RALGDS: variants seen among roughly 807,000 people sequenced by gnomAD.
RALGDS encodes the protein ral guanine nucleotide exchange factor.
RALGDS carries 44 observed loss-of-function variants against 99.8 expected under a neutral mutation model. That is an observed-to-expected ratio of 0.44 (90% confidence interval 0.35 to 0.57). The LOEUF (loss-of-function observed/expected upper bound fraction) is 0.57, where lower values mean the gene tolerates loss of function less well. RALGDS is among the 20% of genes least tolerant of loss of function. The pLI, the probability that RALGDS is intolerant of heterozygous loss-of-function variation, is 0.01. For missense variants in RALGDS, 1,022 were observed against 1,203.1 expected, an observed-to-expected ratio of 0.85 and a Z score of 2.23; for synonymous variants, 529 against 505.0, an observed-to-expected ratio of 1.05 and a Z score of -0.64.
chr9:133,115,047 G>A (rs536677721), intron 1 of RALGDS, among the ~76,000 whole-genome samples: 6 of 152,196 alleles, frequency 3.9e-5, no homozygotes, highest in Non-Finnish European at 7.3e-5. Context: ...GCAGGATGCC[G>A]TGTCCCTGGC....
chr9:133,107,934 C>T, intron 6 of RALGDS, 54 bp downstream of exon 6: 1 of 1,597,960 alleles, frequency 6.3e-7, no homozygotes. Flanking sequence ...TCTGGGACAG[C>T]AGATGCTGCC....
upstream of RALGDS, among the ~76,000 whole-genome samples, chr9:133,122,322 G>A (rs1831980560): frequency 2.0e-5 from 3 of 152,238 alleles, no homozygotes; most frequent in South Asian, 2.1e-4. Context: ...GCCTGCCCTG[G>A]CCTCAGCCTT....
At chr9:133,131,044 G>A (rs1452624461) in exon 1 of RALGDS, 2 of 1,532,124 alleles carry the variant, frequency 1.3e-6, no homozygotes, top group Admixed American at 2.0e-5. Flanking sequence ...GGGGAGGAGA[G>A]GGTGTGGGCA....
At position 133,107,140 on chromosome 9, in the gene RALGDS, C is replaced by T. The variant is rs371689665; in HGVS notation, c.1358G>A (p.Ser453Asn). 7 of 1,613,690 alleles carry T rather than the reference C, an allele frequency of 4.3e-6. No individual in the cohort carries two copies. The highest frequency in any genetic ancestry group is 1.3e-5 in the African/African-American group (1 of 74,962). Reference protein sequence around the residue: ...CVITTCLGNRSTKAPDRARVV... With the variant: ...CVITTCLGNRNTKAPDRARVV... ...CCTGGCCCTGTCTGGGGCTTTCGTG[C>T]TTCGGTTCCCGAGGCAGGTGGTGAT... Residue 453 changes from serine to asparagine, a missense_variant, in exon 7 of 18, where the codon AGC becomes AAC. Ser to Asn is a conservative substitution (Grantham distance 46). Coordinates refer to ENST00000372050, the MANE Select transcript of RALGDS (RefSeq NM_006266.4).
intron 13 of RALGDS, 51 bp from the exon 14 acceptor site, chr9:133,102,622 TC>T (rs1830813568): frequency 6.2e-7 from 1 of 1,605,928 alleles, no homozygotes. Flanking sequence ...GCTCCGGCCT[TC>T]CCCCAGCACC....
At chr9:133,126,654 GCCA>G (rs1478835681) in intron 1 of RALGDS, among the ~76,000 whole-genome samples, 1 of 152,186 alleles carries the variant, frequency 6.6e-6, no homozygotes, top group East Asian at 1.9e-4. Context: ...CCCCGGAGGG[GCCA>G]CCAATTCAAC....
chr9:133,101,394 T>C (rs762464491), intron 16 of RALGDS, 126 bp downstream of exon 16: 3 of 1,567,986 alleles, frequency 1.9e-6, no homozygotes, highest in Non-Finnish European at 2.6e-6. Context: ...TTTCTGTACC[T>C]GGCTGACATC....
upstream of RALGDS, among the ~76,000 whole-genome samples, chr9:133,125,571 TAA>T (rs1326163988): frequency 2.6e-5 from 4 of 152,108 alleles, no homozygotes; most frequent in East Asian, 7.7e-4. Context: ...TCATCTCTAC[TAA>T]AAATACAAAA....
chr9:133,111,630 T>A (rs615477), intron 2 of RALGDS, among the ~76,000 whole-genome samples: 1 of 152,118 alleles, frequency 6.6e-6, no homozygotes, highest in African/African-American at 2.4e-5. Flanking sequence ...GGCCCCACAG[T>A]CATGAGGAGC....
In RALGDS at chr9:133,109,837, G is replaced by A. The variant is rs1831253279; in HGVS notation, c.489-116C>T. 1.3e-5 allele frequency: 10 copies of A among 793,370 alleles called. 1 individual carries two copies. The highest frequency in any genetic ancestry group is 1.0e-4 in the South Asian group (7 of 68,844). 49.1% of individuals were successfully genotyped at this position (793,370 alleles called of 1,614,324 possible). Reference sequence around the variant, plus strand: ...AAATTATATTAAATGCCTAGAAAAGGGCCAGCACACAGTAGGTGCTTCATA... The same window carrying A: ...AAATTATATTAAATGCCTAGAAAAGAGCCAGCACACAGTAGGTGCTTCATA... On this transcript the variant is annotated intron_variant, in intron 3 of 17. Coordinates refer to ENST00000372050, the MANE Select transcript of RALGDS (RefSeq NM_006266.4).
chr9:133,130,915 C>A lies in RALGDS; in HGVS notation c.132+37G>T, dbSNP rs181475832. Reference sequence around the variant, plus strand: ...ACCCCAAAGCCCAGAGATGCCAGGGCGAAGTCAGAGGCCAAGAGTCTCAGC... The same window carrying A: ...ACCCCAAAGCCCAGAGATGCCAGGGAGAAGTCAGAGGCCAAGAGTCTCAGC... On this transcript the variant is annotated intron_variant, in intron 1 of 17. Transcript: ENST00000372062. 1.4e-5 allele frequency: 21 copies of A among 1,507,998 alleles called. No homozygotes were observed. The East Asian group carries it at 4.9e-4, about 35-fold the overall frequency. 93.4% of individuals were successfully genotyped at this position (1,507,998 alleles called of 1,614,324 possible).
chr9:133,108,725 G>A lies in RALGDS; in HGVS notation c.726C>T (p.His242=). ...MPGSDLERRA[H]LLLAQLEHSE... ...AGTGCTCCAGCTGGGCCAGGAGAAGGTGGGCACGGCGCTCCAGGTCTGAGC... is the reference window on the plus strand; with the variant it reads ...AGTGCTCCAGCTGGGCCAGGAGAAGATGGGCACGGCGCTCCAGGTCTGAGC... The change falls in exon 5 of 18, where the codon CAC becomes CAT. Residue 242 remains histidine, a synonymous_variant. Coordinates refer to ENST00000372050, the MANE Select transcript of RALGDS (RefSeq NM_006266.4). The A allele has an allele frequency of 1.9e-6, 3 of 1,613,770 alleles. No individual in the cohort carries two copies.
Position 133,142,227 on chromosome 9 carries a change from T to G in RALGDS, c.18+6736A>C, listed in dbSNP as rs543994249. On this transcript the variant is annotated intron_variant, in intron 1 of 17. Transcript: ENST00000393160. The stretch of plus-strand genomic sequence containing the variant: ...GAGTCTACTGGGTCCTGTGTCAGGG[T>G]GGAGGGCCATGAGAAGTATCTGAGG... Among the ~76,000 whole-genome samples, 521 of 151,958 alleles carry G rather than the reference T, an allele frequency of 3.4e-3. 3 individuals carry two copies. The highest frequency in any genetic ancestry group is 6.8e-3 in the Middle Eastern group (2 of 292).
chr9:133,114,507 C>G (rs955043340), intron 1 of RALGDS, among the ~76,000 whole-genome samples: 1 of 152,186 alleles, frequency 6.6e-6, no homozygotes, highest in Admixed American at 6.5e-5. Flanking sequence ...GCCCCAGAAC[C>G]CTCTGCAGCA....
upstream of RALGDS, among the ~76,000 whole-genome samples, chr9:133,124,592 CACAT>C (rs1341720482): frequency 6.6e-4 from 101 of 152,336 alleles, no homozygotes; most frequent in African/African-American, 2.4e-3. Context: ...CAGATACACA[CACAT>C]AGAGACAGAA....
upstream of RALGDS, among the ~76,000 whole-genome samples, chr9:133,131,500 G>C (rs1423318671): frequency 6.6e-6 from 1 of 151,946 alleles, no homozygotes; most frequent in East Asian, 1.9e-4. Context: ...CCTCTGCTGG[G>C]AACCATGTTC....
Position 133,106,655 on chromosome 9 carries a change from C to T in RALGDS, c.1507G>A (p.Asp503Asn), listed in dbSNP as rs200214634. 7 of 1,608,938 alleles carry T rather than the reference C, an allele frequency of 4.4e-6. No individual in the cohort carries two copies. In the African/African-American group the frequency reaches 5.3e-5, roughly 12 times the overall value. The change falls in exon 8 of 18, where the codon GAC becomes AAC. Residue 503 changes from aspartate to asparagine, a missense_variant. Around this residue, in one of 3 missense-constraint regions of RALGDS, gnomAD observed 825 missense variants for 994.5 expected, o/e 0.83. Coordinates refer to ENST00000372050, the MANE Select transcript of RALGDS (RefSeq NM_006266.4). ...CAGAGGCATGCCCACCTGGAAACGT[C>T]TTCCCACGTCTTCTTCAGACGGTGG... ...SIHRLKKTWE[D>N]VSRDSFRIFQ...
At position 133,098,515 on chromosome 9, in the gene RALGDS, G is replaced by A. The variant is rs1431216048; in HGVS notation, c.*72C>T. 8 of 1,535,780 alleles carry A rather than the reference G, an allele frequency of 5.2e-6. No homozygotes were observed. Among genetic ancestry groups the A allele is most frequent in the African/African-American group, 4.1e-5 (3 of 73,348 alleles). ...CTGGGCTGGCAGGTGGGAGGAAGGCGCCCAGCTGGCCTGGGCCACTCTGGT... is the reference window on the plus strand; with the variant it reads ...CTGGGCTGGCAGGTGGGAGGAAGGCACCCAGCTGGCCTGGGCCACTCTGGT... On this transcript the variant is annotated 3_prime_UTR_variant, in exon 18 of 18. Coordinates refer to ENST00000372050, the MANE Select transcript of RALGDS (RefSeq NM_006266.4).
chr9:133,101,325 G>A, intron 16 of RALGDS, 195 bp downstream of exon 16: 1 of 1,436,030 alleles, frequency 7.0e-7, no homozygotes, highest in East Asian at 2.4e-5. Flanking sequence ...TTGCACGGCT[G>A]CTCCTTTCCT....
Sources: allele counts gnomAD v4.1 joint callset (sites outside exome capture counted in the v4.1 genomes callset), GRCh38; gene constraint gnomAD v4.1.1; regional missense constraint gnomAD v4.1.1; transcripts MANE v1.5; gene names NCBI Gene and HGNC (gene_info 2026-07-23, HGNC 2026-07-21).